The following ZBTB7C variants were observed in gnomAD, a reference collection of about 807,000 sequenced individuals.
ZBTB7C encodes zinc finger and BTB domain-containing protein 7C.
A neutral mutation model predicts 25.7 loss-of-function variants in ZBTB7C; 8 were observed. That is an observed-to-expected ratio of 0.31 (90% CI 0.18 to 0.56). The LOEUF (loss-of-function observed/expected upper bound fraction) is 0.56. ZBTB7C is among the 20% of genes least tolerant of loss of function. The pLI is 0.91. For synonymous variants in ZBTB7C, 394 were observed against 369.0 expected (o/e 1.07, Z -0.78); for missense variants, 824 against 855.2 (o/e 0.96, Z 0.46).
intron 2 of ZBTB7C, among the ~76,000 whole-genome samples, chr18:48,241,956 T>C (rs541155049): frequency 2.6e-5 from 4 of 151,840 alleles, no homozygotes; most frequent in Non-Finnish European, 4.4e-5. Flanking sequence ...ATTAGCAAGA[T>C]TAACCAAGAA....
chr18:48,380,608 GCACACCT>G (rs1187098280), intron 1 of ZBTB7C, among the ~76,000 whole-genome samples: 1 of 152,154 alleles, frequency 6.6e-6, no homozygotes, highest in East Asian at 1.9e-4. Flanking sequence ...GTAGCAATGA[GCACACCT>G]AATTATTAGA....
intron 3 of ZBTB7C, among the ~76,000 whole-genome samples, chr18:48,082,205 G>A (rs2038017943): frequency 1.3e-5 from 2 of 152,192 alleles, no homozygotes; most frequent in African/African-American, 4.8e-5. Context: ...CCCTTGCACA[G>A]CCTATTTGGA....
At chr18:48,102,871 T>C (rs2038883135) in intron 3 of ZBTB7C, among the ~76,000 whole-genome samples, 2 of 151,878 alleles carry the variant, frequency 1.3e-5, no homozygotes, top group Admixed American at 1.3e-4. Context: ...CAAAAATACA[T>C]GTGGAGAAGG....
chr18:48,368,215 C>T (rs2047296146), intron 1 of ZBTB7C, among the ~76,000 whole-genome samples: 1 of 116,564 alleles, frequency 8.6e-6, no homozygotes, highest in Non-Finnish European at 1.8e-5. Flanking sequence ...GAACCTGTTG[C>T]AACCAATGAA....
intron 3 of ZBTB7C, among the ~76,000 whole-genome samples, chr18:48,071,872 C>T (rs11082647): frequency 0.48 from 72,493 of 151,976 alleles, 17,463 homozygotes; most frequent in African/African-American, 0.48. Flanking sequence ...TCAGGTTAAG[C>T]GAAATATGCC....
intron 2 of ZBTB7C, among the ~76,000 whole-genome samples, chr18:48,204,837 G>C (rs1157920377): frequency 1.3e-5 from 2 of 152,202 alleles, no homozygotes; most frequent in African/African-American, 4.8e-5. Context: ...TCAGCCAGGA[G>C]CTCTCAAAGG....
chr18:48,207,918 T>C (rs1049193685), intron 2 of ZBTB7C, among the ~76,000 whole-genome samples: 1 of 151,752 alleles, frequency 6.6e-6, no homozygotes, highest in African/African-American at 2.4e-5. Flanking sequence ...CTATCCAGAG[T>C]GCTGGGAATG....
At chr18:48,263,438 C>T (rs1316792950) in intron 2 of ZBTB7C, among the ~76,000 whole-genome samples, 2 of 152,250 alleles carry the variant, frequency 1.3e-5, no homozygotes, top group Admixed American at 6.5e-5. Flanking sequence ...CTCGTCCAGA[C>T]ATCAGAGTTA....
At chr18:48,111,588 G>A (rs976202958) in intron 3 of ZBTB7C, among the ~76,000 whole-genome samples, 2 of 152,290 alleles carry the variant, frequency 1.3e-5, no homozygotes, top group South Asian at 2.1e-4. Context: ...GCTGGGGGTC[G>A]GCAGGAGGGA....
At position 48,040,946 on chromosome 18, in the gene ZBTB7C, G is replaced by A; in HGVS notation, c.162C>T (p.Ala54=). 6.2e-7 allele frequency: 1 copy of A among 1,614,182 alleles called. No homozygotes were observed. The highest frequency in any genetic ancestry group is 8.5e-7 in the Non-Finnish European group (1 of 1,180,038). Residue 54 remains alanine (A), a synonymous_variant, in exon 4 of 5, where the codon GCC becomes GCT. Transcript: ENST00000590800. The part of the protein sequence containing the change: ...EYRTHRSVLA[A]CSKYFKKLFT... ...AAAGCTTCTTGAAGTACTTGCTGCA[G>A]GCAGCCAGGACGGAGCGGTGGGTCC...
intron 2 of ZBTB7C, among the ~76,000 whole-genome samples, chr18:48,200,704 C>T (rs962185596): frequency 3.3e-5 from 5 of 152,214 alleles, no homozygotes; most frequent in African/African-American, 1.2e-4. Context: ...CACAGAAGCA[C>T]GGTGCAGGGC....
chr18:48,357,518 G>A (rs1344238118), intron 1 of ZBTB7C, among the ~76,000 whole-genome samples: 1 of 152,224 alleles, frequency 6.6e-6, no homozygotes, highest in Non-Finnish European at 1.5e-5. Flanking sequence ...TTTAGGTGCT[G>A]GAGGGCCCAG....
At chr18:48,207,622 TAAAATATATTCTATAGAGACTGG>T (rs1300809478) in intron 2 of ZBTB7C, among the ~76,000 whole-genome samples, 4 of 132,606 alleles carry the variant, frequency 3.0e-5, no homozygotes, top group African/African-American at 1.0e-4. Flanking sequence ...TCTATCCATC[TAAAATATATTCTATAGAGACTGG>T]ATTTCCCTAT....
At chr18:48,361,566 T>A (rs970188829) in intron 1 of ZBTB7C, among the ~76,000 whole-genome samples, 1 of 152,208 alleles carries the variant, frequency 6.6e-6, no homozygotes, top group African/African-American at 2.4e-5. Flanking sequence ...TCCTCCTAGG[T>A]ACATATGCTG....
intron 3 of ZBTB7C, among the ~76,000 whole-genome samples, chr18:48,167,522 A>C (rs184210535): frequency 6.7e-6 from 1 of 149,008 alleles, no homozygotes; most frequent in African/African-American, 2.5e-5. Flanking sequence ...CACTTGAGTT[A>C]CCTATTTGGA....
At chr18:48,383,570 G>A (rs113188110) in intron 1 of ZBTB7C, among the ~76,000 whole-genome samples, 6,600 of 152,260 alleles carry the variant, frequency 0.043, 228 homozygotes, top group African/African-American at 0.094. Flanking sequence ...GCCTGGCCAA[G>A]TGCAATCTTT....
chr18:48,257,319 C>T (rs2044048414), intron 2 of ZBTB7C, among the ~76,000 whole-genome samples: 1 of 151,938 alleles, frequency 6.6e-6, no homozygotes, highest in African/African-American at 2.4e-5. Context: ...CTACTATATA[C>T]CCAATAACAG....
At chr18:48,175,716 G>C (rs1031093258) in intron 3 of ZBTB7C, among the ~76,000 whole-genome samples, 1 of 152,150 alleles carries the variant, frequency 6.6e-6, no homozygotes, top group African/African-American at 2.4e-5. Context: ...GTAGGTGCAA[G>C]ATAAGCCTGG....
In ZBTB7C at chr18:48,041,025, C is replaced by T. The variant is rs1598760587; in HGVS notation, c.83G>A (p.Arg28Gln). The T allele has an allele frequency of 2.5e-6, 4 of 1,613,988 alleles. No homozygotes were observed. Among genetic ancestry groups the T allele is most frequent in the South Asian group, 1.1e-5 (1 of 91,078 alleles). Reference protein sequence around the residue: ...SEVLCSLNEQRHDGLLCDVLL... With the variant: ...SEVLCSLNEQQHDGLLCDVLL... ...CACGTCACACAGCAGGCCATCGTGC[C>T]GTTGCTCATTGAGGCTGCACAGGAC... Residue 28 changes from arginine to glutamine, a missense_variant, in exon 4 of 5, where the codon CGG becomes CAG. Around this residue, in one of 4 missense-constraint regions of ZBTB7C, gnomAD observed 117 missense variants for 167.7 expected, o/e 0.70. Transcript: ENST00000590800.
Sources: gnomAD v4.1 joint callset for allele counts (sites outside exome capture counted in the v4.1 genomes callset) on GRCh38, gnomAD v4.1.1 for gene constraint, gnomAD v4.1.1 regional missense constraint, MANE v1.5 for transcripts, NCBI Gene and HGNC (gene_info 2026-07-23, HGNC 2026-07-21) for gene names.